Variants in SLC44A5 observed in about 807,000 individuals in gnomAD.
SLC44A5 encodes choline transporter-like protein 5.
In SLC44A5, 57 loss-of-function variants were observed where a neutral mutation model predicts 101.8. That is an observed-to-expected ratio of 0.56 (90% confidence interval 0.45 to 0.70). The LOEUF is 0.70. SLC44A5 is among the 30% of genes least tolerant of loss of function. The pLI, the probability that SLC44A5 is intolerant of heterozygous loss-of-function variation, is 0.00. For missense variants in SLC44A5, 737 were observed against 853.1 expected (o/e 0.86, Z 1.70); for synonymous variants, 281 against 290.9 (o/e 0.97, Z 0.35).
intron 2 of SLC44A5, among the ~76,000 whole-genome samples, chr1:75,536,781 C>T (rs1267664869): frequency 1.4e-5 from 2 of 145,058 alleles, no homozygotes; most frequent in Non-Finnish European, 3.0e-5. Flanking sequence ...CCGAGGCGGG[C>T]GGATCACGAG....
the SLC44A5 span, among the ~76,000 whole-genome samples, chr1:75,647,428 C>T: frequency 6.6e-6 from 1 of 152,180 alleles, no homozygotes; most frequent in Non-Finnish European, 1.5e-5. Flanking sequence ...GGTCAGAGCC[C>T]CAATATAGAG....
At chr1:75,548,233 G>C (rs1671755924) in intron 1 of SLC44A5, among the ~76,000 whole-genome samples, 2 of 151,966 alleles carry the variant, frequency 1.3e-5, no homozygotes, top group African/African-American at 4.8e-5. Flanking sequence ...TTTTAATTTA[G>C]AGACCAGTTT....
At chr1:75,509,644 C>T (rs1318026983) in intron 2 of SLC44A5, among the ~76,000 whole-genome samples, 1 of 152,076 alleles carries the variant, frequency 6.6e-6, no homozygotes, top group South Asian at 2.1e-4. Flanking sequence ...CACCATGGTT[C>T]ATAAATTTAA....
chr1:75,506,477 C>G (rs974261695), intron 2 of SLC44A5, among the ~76,000 whole-genome samples: 14 of 151,978 alleles, frequency 9.2e-5, no homozygotes. Context: ...TTCCAATTGA[C>G]GAGCATGGAA....
chr1:75,339,315 T>TC (rs1335316574), intron 4 of SLC44A5, among the ~76,000 whole-genome samples: 3 of 151,064 alleles, frequency 2.0e-5, no homozygotes, highest in Non-Finnish European at 2.9e-5. Flanking sequence ...GCATTTTTTT[T>TC]CACTTCTCTT....
chr1:75,270,979 G>T (rs1012377906), intron 6 of SLC44A5, among the ~76,000 whole-genome samples: 14 of 152,016 alleles, frequency 9.2e-5, no homozygotes, highest in African/African-American at 3.4e-4. Flanking sequence ...AGATTTGTAT[G>T]GTTTCTTTTA....
the SLC44A5 span, among the ~76,000 whole-genome samples, chr1:75,719,351 G>C: frequency 6.6e-6 from 1 of 152,126 alleles, no homozygotes; most frequent in Non-Finnish European, 1.5e-5. Context: ...CTATATGGCT[G>C]ATCACTATTC....
At chr1:75,602,377 T>G (rs570529285) in intron 1 of SLC44A5, among the ~76,000 whole-genome samples, 178 of 152,260 alleles carry the variant, frequency 1.2e-3, no homozygotes, top group African/African-American at 4.2e-3. Flanking sequence ...AGTGTGATAA[T>G]TATTCAATGC....
intron 4 of SLC44A5, among the ~76,000 whole-genome samples, chr1:75,338,828 C>T (rs1301986178): frequency 3.3e-5 from 5 of 152,248 alleles, no homozygotes; most frequent in South Asian, 2.1e-4. Flanking sequence ...GCATGCTGAT[C>T]GCTAGTTCAC....
At position 75,404,217 on chromosome 1, in the gene SLC44A5, G is replaced by A. The variant is rs976165254; in HGVS notation, c.14-7596C>T. ...GGACTATGTGAAAAGACCAACCTACGTTTGATTGGTGTATCTGAAAGTGAC... is the reference window on the plus strand; with the variant it reads ...GGACTATGTGAAAAGACCAACCTACATTTGATTGGTGTATCTGAAAGTGAC... On this transcript the variant is annotated intron_variant, in intron 2 of 23. Coordinates refer to ENST00000370859, the MANE Select transcript of SLC44A5 (RefSeq NM_001130058.2). Among the ~76,000 whole-genome samples, 8 of 152,010 alleles carry A rather than the reference G, an allele frequency of 5.3e-5. No individual in the cohort carries two copies. In the South Asian group the frequency reaches 1.5e-3, roughly 28 times the overall value.
intron 7 of SLC44A5, among the ~76,000 whole-genome samples, chr1:75,248,507 T>C (rs1346753713): frequency 6.6e-6 from 1 of 152,030 alleles, no homozygotes; most frequent in African/African-American, 2.4e-5. Flanking sequence ...CAAACGGATG[T>C]CAGAGAGGGA....
At chr1:75,321,992 G>C (rs1358313476) in intron 4 of SLC44A5, among the ~76,000 whole-genome samples, 1 of 152,044 alleles carries the variant, frequency 6.6e-6, no homozygotes, top group Non-Finnish European at 1.5e-5. Context: ...ACTACTTCTT[G>C]CATTGCTTTA....
upstream of SLC44A5, among the ~76,000 whole-genome samples, chr1:75,612,508 T>C (rs1675698497): frequency 1.3e-5 from 2 of 152,218 alleles, no homozygotes. Context: ...AATGCCACCT[T>C]TCCAGACAAT....
At chr1:75,660,497 T>A in the SLC44A5 span, among the ~76,000 whole-genome samples, 9 of 151,970 alleles carry the variant, frequency 5.9e-5, no homozygotes, top group Non-Finnish European at 1.0e-4. Context: ...AAGAAAAGAC[T>A]AAAGGGCATC....
the SLC44A5 span, among the ~76,000 whole-genome samples, chr1:75,717,611 AT>A: frequency 1.3e-5 from 2 of 152,122 alleles, no homozygotes; most frequent in Non-Finnish European, 2.9e-5. Flanking sequence ...ACCTAAAATA[AT>A]TTTTTTAAAA....
At chr1:75,366,652 T>G (rs1039076409) in intron 3 of SLC44A5, among the ~76,000 whole-genome samples, 3 of 152,220 alleles carry the variant, frequency 2.0e-5, no homozygotes, top group African/African-American at 7.2e-5. Flanking sequence ...GAAATTCTTA[T>G]AATGAATTTA....
intron 2 of SLC44A5, among the ~76,000 whole-genome samples, chr1:75,412,207 T>C (rs1663324281): frequency 6.6e-6 from 1 of 152,208 alleles, no homozygotes; most frequent in Non-Finnish European, 1.5e-5. Context: ...TCTTTTTTAA[T>C]CTTTGTATCT....
chr1:75,550,215 G>T (rs1468516756), intron 1 of SLC44A5, among the ~76,000 whole-genome samples: 2 of 152,036 alleles, frequency 1.3e-5, no homozygotes, highest in African/African-American at 4.8e-5. Flanking sequence ...ACCATGTAAT[G>T]AAATATTATT....
At chr1:75,205,174 T>G (rs908126015) in intron 23 of SLC44A5, 1 of 152,188 alleles carries the variant, frequency 6.6e-6, no homozygotes, top group Non-Finnish European at 1.5e-5. Context: ...TTATTGCTAT[T>G]AATTAATCTG....
Sources: gnomAD v4.1 joint callset for allele counts (sites outside exome capture counted in the v4.1 genomes callset) on GRCh38, gnomAD v4.1.1 for gene constraint, MANE v1.5 for transcripts, NCBI Gene and HGNC (gene_info 2026-07-23, HGNC 2026-07-21) for gene names.